RPS10: variants seen among roughly 807,000 people sequenced by gnomAD.
RPS10 encodes the protein small ribosomal subunit protein eS10.
In RPS10, 2 loss-of-function variants were observed where a neutral mutation model predicts 22.6. The observed-to-expected ratio is 0.09, with a 90% CI of 0.04 to 0.28. The LOEUF (loss-of-function observed/expected upper bound fraction) is 0.28, where lower values mean the gene tolerates loss of function less well. Ranked by LOEUF, RPS10 falls within the 10% of genes least tolerant of loss-of-function variation. The pLI is 1.00. For missense variants in RPS10, 137 were observed against 222.2 expected, an observed-to-expected ratio of 0.62 and a Z score of 2.44; for synonymous variants, 70 against 75.9, an observed-to-expected ratio of 0.92 and a Z score of 0.40.
In RPS10 at chr6:34,421,647, T is replaced by C. The variant is rs1765773455; in HGVS notation, c.400+83A>G. The C allele has an allele frequency of 2.0e-6, 3 of 1,514,300 alleles. No individual in the cohort carries two copies. The South Asian group carries it at 3.4e-5, about 17-fold the overall frequency. 93.8% of individuals were successfully genotyped at this position (1,514,300 alleles called of 1,614,324 possible). ...TGGTCATTTTGTCATCATCAAGGGC[T>C]GAGCCCCACCCAGCCAGAGCCAGCT... On this transcript the variant is annotated intron_variant, in intron 4 of 5. Transcript: ENST00000648437.
At chr6:34,421,684 G>T (rs1357165851) in intron 4 of RPS10, 46 bp downstream of exon 4, 1 of 1,607,976 alleles carries the variant, frequency 6.2e-7, no homozygotes, top group East Asian at 2.2e-5. Flanking sequence ...TGAGAATCCA[G>T]ACATTTCACC....
In RPS10 at chr6:34,424,760, C is replaced by A; in HGVS notation, c.231G>T (p.Gln77His). 1.9e-6 allele frequency: 3 copies of A among 1,614,136 alleles called. No individual in the cohort carries two copies. Among genetic ancestry groups the A allele is most frequent in the Non-Finnish European group, 1.7e-6 (2 of 1,180,032 alleles). ...FYWYLTNEGI[Q>H]YLRDYLHLPP... ...GCAGATGAAGGTAATCACGGAGATA[C>A]TGGATACCCTCATTGGTAAGGTACC... is the stretch of plus-strand genomic sequence containing the variant. Residue 77 changes from glutamine (Q) to histidine (H), a missense_variant, in exon 3 of 6, where the codon CAG becomes CAT. Physicochemically the swap from Gln to His is conservative, Grantham distance 24. Transcript: ENST00000648437.
chr6:34,419,890 A>G (rs576411462), intron 4 of RPS10, among the ~76,000 whole-genome samples: 12 of 151,836 alleles, frequency 7.9e-5, no homozygotes, highest in African/African-American at 2.7e-4. Flanking sequence ...GATTTATTTG[A>G]GTTGGTGCGG....
chr6:34,422,754 C>T (rs1253928176), intron 3 of RPS10, among the ~76,000 whole-genome samples: 2 of 151,630 alleles, frequency 1.3e-5, no homozygotes, highest in African/African-American at 4.8e-5. Flanking sequence ...CCACCACACC[C>T]TAAGGCACAA....
At chr6:34,424,140 T>TAAAAAGAGAAAAAAAAA (rs1765865707) in intron 3 of RPS10, 1 of 49,102 alleles carries the variant, frequency 2.0e-5, no homozygotes, top group Non-Finnish European at 3.1e-5. Flanking sequence ...AAGACTCCGT[T>TAAAAAGAGAAAAAAAAA]AAAAAAAAAA....
chr6:34,425,656 G>C (rs1251414163), intron 1 of RPS10: 2 of 228,374 alleles, frequency 8.8e-6, no homozygotes, highest in Admixed American at 1.0e-4. Context: ...AAACCAAAGG[G>C]CTAAGGCCTT....
chr6:34,424,294 G>A (rs1320701004), intron 3 of RPS10: 2 of 290,528 alleles, frequency 6.9e-6, no homozygotes, highest in East Asian at 1.6e-4. Flanking sequence ...TTCTTCTCCT[G>A]TTGGCAAGAA....
At chr6:34,420,997 G>A (rs1371024963) in intron 4 of RPS10, among the ~76,000 whole-genome samples, 1 of 144,080 alleles carries the variant, frequency 6.9e-6, no homozygotes, top group Non-Finnish European at 1.5e-5. Context: ...GACAGAGCGA[G>A]ACTGTCTCAA....
intron 1 of RPS10, chr6:34,425,499 G>C (rs73744899): frequency 2.2e-5 from 9 of 414,194 alleles, no homozygotes; most frequent in South Asian, 8.4e-5. Context: ...AGGTCAATGG[G>C]GGGGAGAGGA....
At chr6:34,421,262 C>A (rs570634988) in intron 4 of RPS10, among the ~76,000 whole-genome samples, 2 of 151,932 alleles carry the variant, frequency 1.3e-5, no homozygotes, top group South Asian at 2.1e-4. Context: ...CGGCTCACTG[C>A]GGCCTCTGCC....
intron 5 of RPS10, 83 bp from the exon 6 acceptor site, chr6:34,417,630 A>T: frequency 7.4e-7 from 1 of 1,359,914 alleles, no homozygotes; most frequent in South Asian, 1.2e-5. Context: ...AGGCCTCATT[A>T]TAACTCCAGA....
intron 3 of RPS10, among the ~76,000 whole-genome samples, chr6:34,423,984 T>A (rs568586205): frequency 6.6e-6 from 1 of 151,850 alleles, no homozygotes; most frequent in South Asian, 2.1e-4. Flanking sequence ...CCTCTGATGA[T>A]CACATTTAGG....
Position 34,424,854 on chromosome 6 carries a change from A to T in RPS10, c.151-14T>A, listed in dbSNP as rs1422278875. 3 of 1,613,566 alleles carry T rather than the reference A, an allele frequency of 1.9e-6. No individual in the cohort carries two copies. Among genetic ancestry groups the T allele is most frequent in the Non-Finnish European group, 2.5e-6 (3 of 1,180,020 alleles). ...GGACTTGAGAGACTGTAAGGCAGAA[A>T]ACTACTGTTAAGGCGTTAAGTAGAA... On this transcript the variant is annotated splice_polypyrimidine_tract_variant and intron_variant, in intron 2 of 5. Transcript: ENST00000648437.
At chr6:34,418,214 C>T (rs1765642457) in intron 5 of RPS10, 155 bp downstream of exon 5, 14 of 1,537,882 alleles carry the variant, frequency 9.1e-6, no homozygotes, top group Non-Finnish European at 1.2e-5. Context: ...CATGCTACAA[C>T]TCAATGTAAA....
Position 34,418,094 on chromosome 6 carries a change from T to C in RPS10, c.456+275A>G, listed in dbSNP as rs970392560. ...ATCTTGGTTCTTAAGCCCACCCACCTTCCAGTGTTTAGTTCAATGTCAAGC... is the reference window on the plus strand; with the variant it reads ...ATCTTGGTTCTTAAGCCCACCCACCCTCCAGTGTTTAGTTCAATGTCAAGC... On this transcript the variant is annotated intron_variant, in intron 5 of 5. Coordinates refer to ENST00000648437, the MANE Select transcript of RPS10 (RefSeq NM_001014.5). 24 of 1,258,766 alleles carry C rather than the reference T, an allele frequency of 1.9e-5. No homozygotes were observed. In the African/African-American group the frequency reaches 3.0e-4, roughly 16 times the overall value. The allele number at this position is 1,258,766 out of a possible 1,614,324, so 78.0% of individuals were successfully genotyped here.
chr6:34,417,629 TA>T, intron 5 of RPS10, 82 bp from the exon 6 acceptor site: 1 of 1,381,300 alleles, frequency 7.2e-7, no homozygotes, highest in Non-Finnish European at 1.0e-6. Flanking sequence ...CAGGCCTCAT[TA>T]TAACTCCAGA....
At chr6:34,420,210 T>C (rs1765715590) in intron 4 of RPS10, among the ~76,000 whole-genome samples, 1 of 151,978 alleles carries the variant, frequency 6.6e-6, no homozygotes. Context: ...ACGAATATGG[T>C]TTCAGTAATC....
At chr6:34,419,523 CAT>C (rs941586484) in intron 4 of RPS10, among the ~76,000 whole-genome samples, 1 of 152,146 alleles carries the variant, frequency 6.6e-6, no homozygotes, top group African/African-American at 2.4e-5. Context: ...ATACTGATTA[CAT>C]GTTAAATTAA....
intron 3 of RPS10, chr6:34,424,196 C>G (rs1275846918): frequency 2.5e-5 from 3 of 118,866 alleles, no homozygotes; most frequent in African/African-American, 9.6e-5. Flanking sequence ...TCCCAAGAAT[C>G]AGAAGATAAT....
Sources: allele counts gnomAD v4.1 joint callset (sites outside exome capture counted in the v4.1 genomes callset), GRCh38; gene constraint gnomAD v4.1.1; transcripts MANE v1.5; gene names NCBI Gene and HGNC (gene_info 2026-07-23, HGNC 2026-07-21).